FAM13C: variants seen among roughly 807,000 people sequenced by gnomAD.
The protein encoded by FAM13C is protein FAM13C.
A neutral mutation model predicts 73.2 loss-of-function variants in FAM13C; 37 were observed. The observed-to-expected ratio is 0.51, with a 90% CI of 0.39 to 0.67. FAM13C has a LOEUF of 0.67. Among genes scored for constraint, FAM13C ranks in the 30% least tolerant of loss-of-function variants. The pLI is 0.00. For synonymous variants in FAM13C, 246 were observed against 260.9 expected, an observed-to-expected ratio of 0.94 and a Z score of 0.55; for missense variants, 589 against 715.6, an observed-to-expected ratio of 0.82 and a Z score of 2.02.
chr10:59,265,493 G>A (rs1006887214), intron 8 of FAM13C, among the ~76,000 whole-genome samples: 2 of 152,012 alleles, frequency 1.3e-5, no homozygotes, highest in African/African-American at 4.8e-5. Context: ...GAAAGTCAAT[G>A]TTTTACATTT....
At chr10:59,254,854 C>T (rs902851172) in intron 10 of FAM13C, among the ~76,000 whole-genome samples, 11 of 152,090 alleles carry the variant, frequency 7.2e-5, no homozygotes, top group African/African-American at 2.7e-4. Context: ...ATCAGCCTGC[C>T]TCGGCCCCCA....
chr10:59,289,900 A>G (rs1846025851), intron 5 of FAM13C, among the ~76,000 whole-genome samples: 3 of 152,132 alleles, frequency 2.0e-5, no homozygotes, highest in African/African-American at 7.2e-5. Flanking sequence ...ACTCAGGGCC[A>G]GACTGCTAGT....
Position 59,254,446 on chromosome 10 carries a change from GA to G in FAM13C, c.1237-4del. 1.4e-6 allele frequency: 2 copies of G among 1,455,538 alleles called. No individual in the cohort carries two copies. Among genetic ancestry groups the G allele is most frequent in the African/African-American group, 1.4e-5 (1 of 69,250 alleles). The allele number at this position is 1,455,538 out of a possible 1,614,324, so 90.2% of individuals were successfully genotyped here. A position where few individuals can be genotyped will look rare whatever the true frequency, so the allele number is the denominator to read the frequency against. ...AGGTTCTTGTCTTGCTTAGTTACCT[GA>G]AAAACATGAAATTAATTATTATTCC... is the stretch of plus-strand genomic sequence containing the variant. On this transcript the variant is annotated splice_polypyrimidine_tract_variant and splice_region_variant and intron_variant, in intron 10 of 13. Coordinates refer to ENST00000618804, the MANE Select transcript of FAM13C (RefSeq NM_198215.4).
rs1224774478 is a variant in FAM13C at position 59,331,507 on chromosome 10, G to A, written c.325-7401C>T. On this transcript the variant is annotated intron_variant, in intron 3 of 13. Transcript: ENST00000618804. Reference sequence around the variant, plus strand: ...CAGATCATGTGAAACCTCTAAGTATGAAGACCTACTAGTCTTGAAGAGTTT... The same window carrying A: ...CAGATCATGTGAAACCTCTAAGTATAAAGACCTACTAGTCTTGAAGAGTTT... 9.2e-5 allele frequency among the ~76,000 whole-genome samples: 14 copies of A among 152,310 alleles called. 1 individual carries two copies. Among genetic ancestry groups the A allele is most frequent in the Admixed American group, 9.2e-4 (14 of 15,292 alleles).
In FAM13C at chr10:59,254,216, T is replaced by C. The variant is rs1042913821; in HGVS notation, c.1332+132A>G. The C allele has an allele frequency of 5.7e-6, 3 of 528,406 alleles. No homozygotes were observed. The East Asian group carries it at 9.6e-5, about 17-fold the overall frequency. The allele number at this position is 528,406 out of a possible 1,614,324, so 32.7% of individuals were successfully genotyped here. Reference sequence around the variant, plus strand: ...TTAGAGAAGACCAAATTTTCACTTTTTGAAATGACAACTAGCCTTGTTTGC... The same window carrying C: ...TTAGAGAAGACCAAATTTTCACTTTCTGAAATGACAACTAGCCTTGTTTGC... On this transcript the variant is annotated intron_variant, in intron 11 of 13. Transcript: ENST00000618804.
At chr10:59,270,662 A>G (rs1405787517) in intron 6 of FAM13C, among the ~76,000 whole-genome samples, 2 of 152,230 alleles carry the variant, frequency 1.3e-5, no homozygotes, top group Non-Finnish European at 2.9e-5. Context: ...TGATGTTCAG[A>G]ATATGCTAAA....
intron 13 of FAM13C, among the ~76,000 whole-genome samples, chr10:59,249,568 A>C (rs1841162852): frequency 6.6e-6 from 1 of 152,196 alleles, no homozygotes; most frequent in Admixed American, 6.5e-5. Context: ...CATGATTCTC[A>C]TGCCTCTTGT....
chr10:59,256,602 A>T (rs1055035191), intron 10 of FAM13C, among the ~76,000 whole-genome samples: 2 of 152,168 alleles, frequency 1.3e-5, no homozygotes, highest in Non-Finnish European at 2.9e-5. Flanking sequence ...CATAGTAAGT[A>T]CAAAACACTG....
At chr10:59,317,716 G>C (rs993230722) in intron 4 of FAM13C, among the ~76,000 whole-genome samples, 24 of 151,868 alleles carry the variant, frequency 1.6e-4, no homozygotes, top group African/African-American at 5.1e-4. Flanking sequence ...TCTATGATCT[G>C]CTTGATGTAA....
At chr10:59,341,430 G>C (rs1564611042) in intron 3 of FAM13C, among the ~76,000 whole-genome samples, 1 of 152,202 alleles carries the variant, frequency 6.6e-6, no homozygotes, top group Non-Finnish European at 1.5e-5. Flanking sequence ...GCTCACGCCT[G>C]TAATCCCAGC....
At chr10:59,295,913 T>C (rs1017238062) in intron 5 of FAM13C, among the ~76,000 whole-genome samples, 2 of 152,182 alleles carry the variant, frequency 1.3e-5, no homozygotes, top group African/African-American at 2.4e-5. Context: ...TATATGTCAA[T>C]AACATCCTGT....
Position 59,262,619 on chromosome 10 carries a change from GTTC to G in FAM13C, c.1048_1050del (p.Glu350del). ...GGTGGACCTTTGGGAGCACTCCCTTGTTCTTCTGACAGCTTTAGCTTTAGTTCT... is the reference window on the plus strand; with the variant it reads ...GGTGGACCTTTGGGAGCACTCCCTTGTTCTGACAGCTTTAGCTTTAGTTCT... On this transcript the variant is annotated inframe_deletion, in exon 10 of 14. Coordinates refer to ENST00000618804, the MANE Select transcript of FAM13C (RefSeq NM_198215.4). 6.2e-7 allele frequency: 1 copy of G among 1,613,658 alleles called. No homozygotes were observed. The highest frequency in any genetic ancestry group is 2.2e-5 in the East Asian group (1 of 44,876).
chr10:59,324,789 T>A (rs530833167), intron 3 of FAM13C, among the ~76,000 whole-genome samples: 2 of 152,254 alleles, frequency 1.3e-5, no homozygotes, highest in East Asian at 1.9e-4. Context: ...ACTATTGCCA[T>A]TGGCCACATT....
chr10:59,362,585 C>G, upstream of FAM13C: 1 of 1,527,100 alleles, frequency 6.5e-7, no homozygotes, highest in Non-Finnish European at 8.8e-7. Context: ...CCTTGGGCTG[C>G]TGTCTGCACA....
chr10:59,262,544 G>T lies in FAM13C; in HGVS notation c.1126C>A (p.Pro376Thr). 6.2e-7 allele frequency: 1 copy of T among 1,613,756 alleles called. No homozygotes were observed. The highest frequency in any genetic ancestry group is 8.5e-7 in the Non-Finnish European group (1 of 1,179,798). The stretch of plus-strand genomic sequence containing the variant: ...CTTGGCTCCGGGCCCGCAGCTTCCG[G>T]TTTCCCATTTTCTCTGGGGACTGTG... ...QPTVPRENGK[P>T]EAAGPEPSSS... is the part of the protein sequence containing the mutation. Residue 376 changes from proline (P) to threonine (T), a missense_variant, in exon 10 of 14, where the codon CCG becomes ACG. Pro to Thr is a conservative substitution (Grantham distance 38). Transcript: ENST00000618804.
intron 3 of FAM13C, among the ~76,000 whole-genome samples, chr10:59,334,476 C>G (rs1232070424): frequency 1.3e-5 from 2 of 152,072 alleles, no homozygotes; most frequent in Non-Finnish European, 2.9e-5. Flanking sequence ...TATTGCAGCA[C>G]TATTCATAAT....
chr10:59,266,681 G>A (rs1843105667), intron 8 of FAM13C, among the ~76,000 whole-genome samples: 1 of 152,194 alleles, frequency 6.6e-6, no homozygotes. Context: ...GTTTGTGTGT[G>A]TGTACATGTG....
At chr10:59,321,703 T>C (rs1344823637) in intron 4 of FAM13C, among the ~76,000 whole-genome samples, 1 of 151,962 alleles carries the variant, frequency 6.6e-6, no homozygotes, top group Non-Finnish European at 1.5e-5. Context: ...AGGTATGAAA[T>C]TATTTGGCAT....
intron 8 of FAM13C, among the ~76,000 whole-genome samples, chr10:59,266,050 A>G (rs1843025640): frequency 6.6e-6 from 1 of 152,198 alleles, no homozygotes; most frequent in African/African-American, 2.4e-5. Context: ...ACATTAGAAA[A>G]ATTACTGGGA....
Sources: gnomAD v4.1 joint callset for allele counts (sites outside exome capture counted in the v4.1 genomes callset) on GRCh38, gnomAD v4.1.1 for gene constraint, MANE v1.5 for transcripts, NCBI Gene and HGNC (gene_info 2026-07-23, HGNC 2026-07-21) for gene names.